The following MARCHF1 variants were observed in gnomAD, a reference collection of about 807,000 sequenced individuals.
The protein encoded by MARCHF1 is E3 ubiquitin-protein ligase MARCHF1.
In MARCHF1, 40 loss-of-function variants were observed where a neutral mutation model predicts 54.2. The ratio of observed to expected loss-of-function variants is 0.74; its 90% confidence interval spans 0.57 to 0.96. The LOEUF is 0.96. Among genes scored for constraint, MARCHF1 ranks in the 40% least tolerant of loss-of-function variants. MARCHF1 has a pLI of 0.00. For synonymous variants in MARCHF1, 236 were observed against 236.3 expected, an observed-to-expected ratio of 1.00 and a Z score of 0.01; for missense variants, 586 against 656.5, an observed-to-expected ratio of 0.89 and a Z score of 1.17.
intron 2 of MARCHF1, among the ~76,000 whole-genome samples, chr4:164,022,952 T>C (rs1456640980): frequency 1.3e-5 from 2 of 152,308 alleles, no homozygotes; most frequent in South Asian, 2.1e-4. Context: ...CTGGGAGCAC[T>C]TTCCTGGCAG....
chr4:164,013,849 C>T (rs775589148), intron 2 of MARCHF1, among the ~76,000 whole-genome samples: 1 of 152,110 alleles, frequency 6.6e-6, no homozygotes, highest in Non-Finnish European at 1.5e-5. Flanking sequence ...AATTTCTCAA[C>T]ACCAGACTTG....
chr4:164,180,896 T>C (rs1280837310), intron 1 of MARCHF1, among the ~76,000 whole-genome samples: 1 of 152,198 alleles, frequency 6.6e-6, no homozygotes, highest in Non-Finnish European at 1.5e-5. Context: ...ACCTGAACCA[T>C]GCAACAGCCT....
chr4:163,830,149 T>C (rs1748976457), intron 4 of MARCHF1, among the ~76,000 whole-genome samples: 1 of 152,146 alleles, frequency 6.6e-6, no homozygotes, highest in African/African-American at 2.4e-5. Context: ...TTATCTGCTT[T>C]AGCGTTTGAA....
intron 1 of MARCHF1, among the ~76,000 whole-genome samples, chr4:164,287,791 G>A (rs1010077694): frequency 5.3e-5 from 8 of 152,128 alleles, no homozygotes; most frequent in Non-Finnish European, 1.2e-4. Flanking sequence ...GAATCGAATA[G>A]TTATTCTTTA....
intron 3 of MARCHF1, among the ~76,000 whole-genome samples, chr4:163,933,384 T>A (rs147648497): frequency 0.022 from 3,409 of 152,324 alleles, 241 homozygotes; most frequent in Admixed American, 0.14. Context: ...TACAGTCTTT[T>A]CACACTGCAG....
intron 7 of MARCHF1, among the ~76,000 whole-genome samples, chr4:163,600,522 T>C (rs1579100782): frequency 1.3e-5 from 2 of 152,182 alleles, no homozygotes; most frequent in Non-Finnish European, 2.9e-5. Context: ...GAATGCTGAT[T>C]GGAACAAAGA....
At chr4:163,958,881 C>A (rs984755371) in intron 3 of MARCHF1, among the ~76,000 whole-genome samples, 1 of 151,856 alleles carries the variant, frequency 6.6e-6, no homozygotes, top group Non-Finnish European at 1.5e-5. Context: ...GCTTCCGAAT[C>A]CAGGCTTTAA....
chr4:164,338,886 C>A (rs7678184), intron 1 of MARCHF1, among the ~76,000 whole-genome samples: 4 of 151,910 alleles, frequency 2.6e-5, no homozygotes, highest in Non-Finnish European at 4.4e-5. Flanking sequence ...GCAGGAGAAT[C>A]GCTTGAACCT....
intron 1 of MARCHF1, among the ~76,000 whole-genome samples, chr4:164,217,893 A>G (rs994703677): frequency 1.3e-5 from 2 of 152,168 alleles, no homozygotes; most frequent in Non-Finnish European, 2.9e-5. Flanking sequence ...TAGTGGAGGT[A>G]TTATTATAAC....
At chr4:164,189,433 A>G in intron 1 of MARCHF1, 1 of 691,570 alleles carries the variant, frequency 1.4e-6, no homozygotes, top group South Asian at 1.6e-5. Flanking sequence ...TGATTTGAAG[A>G]ATTCTGATAT....
intron 2 of MARCHF1, among the ~76,000 whole-genome samples, chr4:164,092,615 T>A (rs1755328620): frequency 6.6e-6 from 1 of 152,182 alleles, no homozygotes. Flanking sequence ...TACAGAATTT[T>A]ACTTACATTT....
intron 4 of MARCHF1, 88 bp downstream of exon 4, chr4:163,853,933 C>T (rs1749702408): frequency 8.7e-7 from 1 of 1,148,710 alleles, no homozygotes; most frequent in East Asian, 2.6e-5. Flanking sequence ...ACAACGATAA[C>T]ATTTACTTAT....
At chr4:164,216,765 T>C (rs1731946351) in intron 1 of MARCHF1, among the ~76,000 whole-genome samples, 1 of 152,170 alleles carries the variant, frequency 6.6e-6, no homozygotes, top group African/African-American at 2.4e-5. Flanking sequence ...GAGAAAACCA[T>C]GTGAGAGCAG....
chr4:164,241,333 C>A (rs111573560), intron 1 of MARCHF1, among the ~76,000 whole-genome samples: 1,535 of 152,198 alleles, frequency 0.01, 28 homozygotes, highest in African/African-American at 0.036. Context: ...ACTCAGCTGC[C>A]CTGCGATAAT....
intron 3 of MARCHF1, among the ~76,000 whole-genome samples, chr4:163,916,220 T>C (rs1751304642): frequency 6.6e-6 from 1 of 152,196 alleles, no homozygotes; most frequent in Admixed American, 6.6e-5. Context: ...ATCACCTTTG[T>C]GATATAATGC....
chr4:163,535,481 T>C (rs1265424589), intron 9 of MARCHF1, among the ~76,000 whole-genome samples: 1 of 152,148 alleles, frequency 6.6e-6, no homozygotes, highest in African/African-American at 2.4e-5. Flanking sequence ...GTGTATTGCA[T>C]GGAAATAGCA....
intron 1 of MARCHF1, among the ~76,000 whole-genome samples, chr4:164,268,248 T>C (rs1208024407): frequency 2.6e-5 from 4 of 152,214 alleles, no homozygotes; most frequent in Non-Finnish European, 4.4e-5. Flanking sequence ...ACAATTGTGC[T>C]GGATGGCCAC....
chr4:163,994,772 CACACACA>C (rs1753039354), intron 2 of MARCHF1, among the ~76,000 whole-genome samples: 1 of 88,154 alleles, frequency 1.1e-5, no homozygotes, highest in East Asian at 3.7e-4. Flanking sequence ...CACACACACA[CACACACA>C]CACACACACA....
At chr4:163,830,357 C>T (rs927346714) in intron 4 of MARCHF1, among the ~76,000 whole-genome samples, 2 of 151,726 alleles carry the variant, frequency 1.3e-5, no homozygotes, top group Admixed American at 6.6e-5. Context: ...CGTATCAGCA[C>T]AATCATAGTA....
Sources: allele counts gnomAD v4.1 joint callset (sites outside exome capture counted in the v4.1 genomes callset), GRCh38; gene constraint gnomAD v4.1.1; transcripts MANE v1.5; gene names NCBI Gene and HGNC (gene_info 2026-07-23, HGNC 2026-07-21).